The following OLA1 variants were observed in gnomAD, a reference collection of about 807,000 sequenced individuals.
The protein encoded by OLA1 is Obg like ATPase 1, also known as obg-like ATPase 1.
A neutral mutation model predicts 48.4 loss-of-function variants in OLA1; 14 were observed. The observed-to-expected ratio is 0.29, with a 90% CI of 0.19 to 0.45. OLA1 has a LOEUF of 0.45. Among genes scored for constraint, OLA1 ranks in the 20% least tolerant of loss-of-function variants. The pLI is 1.00. For missense variants in OLA1, 325 were observed against 467.1 expected (o/e 0.70, Z 2.80); for synonymous variants, 127 against 150.4 (o/e 0.84, Z 1.14).
Position 174,154,061 on chromosome 2 carries a change from A to G in OLA1, c.374-12061T>C, listed in dbSNP as rs531043574. ...TTTTTGTTTGTTTTCAGTAGACATGAGGTCTTGTTATCTCGCCCAGGCTGA... is the reference window on the plus strand; with the variant it reads ...TTTTTGTTTGTTTTCAGTAGACATGGGGTCTTGTTATCTCGCCCAGGCTGA... On this transcript the variant is annotated intron_variant, in intron 4 of 10. Coordinates refer to ENST00000284719, the MANE Select transcript of OLA1 (RefSeq NM_013341.5). 1.4e-3 allele frequency among the ~76,000 whole-genome samples: 217 copies of G among 152,080 alleles called. 4 individuals are homozygous for G. The highest frequency in any genetic ancestry group is 4.5e-3 in the African/African-American group (186 of 41,486).
chr2:174,083,526 G>A (rs1342822662), intron 7 of OLA1, among the ~76,000 whole-genome samples: 1 of 151,806 alleles, frequency 6.6e-6, no homozygotes, highest in Non-Finnish European at 1.5e-5. Flanking sequence ...TATGATTTAT[G>A]TTGCCTTTAA....
intron 7 of OLA1, among the ~76,000 whole-genome samples, chr2:174,092,595 G>A (rs757097081): frequency 1.6e-4 from 24 of 152,230 alleles, no homozygotes; most frequent in Non-Finnish European, 2.8e-4. Flanking sequence ...CCAGGAGTTC[G>A]AGGTTGTGGT....
chr2:174,147,691 C>T (rs1358006403), intron 4 of OLA1, among the ~76,000 whole-genome samples: 1 of 152,174 alleles, frequency 6.6e-6, no homozygotes, highest in Non-Finnish European at 1.5e-5. Flanking sequence ...CGACCAAATG[C>T]TAATGAGAAT....
At chr2:174,247,966 A>G in intron 1 of OLA1, 9 of 676,930 alleles carry the variant, frequency 1.3e-5, no homozygotes, top group Non-Finnish European at 2.2e-5. Context: ...TCTGGCTGAG[A>G]GTTGTACCTC....
intron 4 of OLA1, among the ~76,000 whole-genome samples, chr2:174,215,471 T>C (rs1188815027): frequency 6.6e-6 from 1 of 152,206 alleles, no homozygotes; most frequent in Non-Finnish European, 1.5e-5. Context: ...AGACTTTTTT[T>C]CAATAACTAT....
intron 10 of OLA1, among the ~76,000 whole-genome samples, chr2:174,078,188 A>C (rs944185800): frequency 6.6e-6 from 1 of 152,022 alleles, no homozygotes. Context: ...CAACTTATGA[A>C]ATAGTAAACA....
At chr2:174,199,086 C>T (rs546039237) in intron 4 of OLA1, among the ~76,000 whole-genome samples, 1 of 151,722 alleles carries the variant, frequency 6.6e-6, no homozygotes, top group Non-Finnish European at 1.5e-5. Flanking sequence ...GGTGAGGAAA[C>T]AGAAGTATGC....
chr2:174,086,033 C>A (rs914757463), intron 7 of OLA1, among the ~76,000 whole-genome samples: 6 of 151,538 alleles, frequency 4.0e-5, no homozygotes, highest in African/African-American at 1.2e-4. Context: ...CTAAGGGAGT[C>A]TGGTGGTCCC....
chr2:174,084,684 C>T (rs1199758159), intron 7 of OLA1, among the ~76,000 whole-genome samples: 2 of 152,152 alleles, frequency 1.3e-5, no homozygotes, highest in Non-Finnish European at 2.9e-5. Context: ...TATTCTCTTT[C>T]TACAAACCAT....
intron 4 of OLA1, among the ~76,000 whole-genome samples, chr2:174,213,132 T>C (rs1285166007): frequency 6.6e-6 from 1 of 152,180 alleles, no homozygotes; most frequent in Non-Finnish European, 1.5e-5. Context: ...CATGCAAACT[T>C]AGCTGAAAAT....
intron 7 of OLA1, among the ~76,000 whole-genome samples, chr2:174,113,958 C>T (rs1220652091): frequency 6.6e-6 from 1 of 151,996 alleles, no homozygotes; most frequent in East Asian, 1.9e-4. Context: ...AATTTCCAAG[C>T]TCAGAATGCC....
intron 7 of OLA1, among the ~76,000 whole-genome samples, chr2:174,106,563 T>C (rs1050436716): frequency 2.6e-5 from 4 of 152,162 alleles, no homozygotes; most frequent in African/African-American, 7.2e-5. Context: ...GTTTGAGAAA[T>C]TGCTGTTGTG....
intron 1 of OLA1, chr2:174,247,652 A>C (rs909882014): frequency 1.3e-6 from 2 of 1,550,670 alleles, no homozygotes; most frequent in African/African-American, 2.7e-5. Context: ...CCCATTTTTC[A>C]CATAGATGAA....
intron 7 of OLA1, among the ~76,000 whole-genome samples, chr2:174,098,483 G>C (rs1360379599): frequency 6.6e-6 from 1 of 152,086 alleles, no homozygotes; most frequent in African/African-American, 2.4e-5. Flanking sequence ...TTTACAAAAA[G>C]AATTTTACAA....
chr2:174,234,795 T>A (rs1206338664), intron 2 of OLA1, among the ~76,000 whole-genome samples: 1 of 151,472 alleles, frequency 6.6e-6, no homozygotes, highest in Non-Finnish European at 1.5e-5. Flanking sequence ...AAAAAAAAAA[T>A]TATTTGAAAT....
intron 7 of OLA1, among the ~76,000 whole-genome samples, chr2:174,122,066 A>C (rs1685927057): frequency 6.6e-6 from 1 of 152,168 alleles, no homozygotes; most frequent in Non-Finnish European, 1.5e-5. Context: ...AGGCGACAGA[A>C]CTGATTATTT....
chr2:174,097,269 C>T (rs917636333), intron 7 of OLA1, among the ~76,000 whole-genome samples: 1 of 152,106 alleles, frequency 6.6e-6, no homozygotes, highest in Admixed American at 6.6e-5. Context: ...AATTCAAGCA[C>T]AATGACTGGA....
At chr2:174,144,951 A>AAAAAATATATATATAT (rs1181030817) in intron 4 of OLA1, among the ~76,000 whole-genome samples, 1 of 40,278 alleles carries the variant, frequency 2.5e-5, no homozygotes, top group Non-Finnish European at 4.0e-5. Flanking sequence ...AAAAAAAAAA[A>AAAAAATATATATATAT]ATATATATAT....
At chr2:174,079,555 T>C (rs1684816618) in intron 9 of OLA1, among the ~76,000 whole-genome samples, 1 of 151,938 alleles carries the variant, frequency 6.6e-6, no homozygotes, top group Non-Finnish European at 1.5e-5. Context: ...ATTGGAAATC[T>C]ACATTCAGCA....
Sources: allele counts gnomAD v4.1 joint callset (sites outside exome capture counted in the v4.1 genomes callset), GRCh38; gene constraint gnomAD v4.1.1; transcripts MANE v1.5; gene names NCBI Gene and HGNC (gene_info 2026-07-23, HGNC 2026-07-21).